The following BRINP1 variants were observed in gnomAD, a reference collection of about 807,000 sequenced individuals.
BRINP1 encodes BMP/retinoic acid-inducible neural-specific protein 1.
BRINP1 carries 17 observed loss-of-function variants against 72.9 expected under a neutral mutation model. The observed-to-expected ratio is 0.23, with a 90% CI of 0.16 to 0.35. The LOEUF (loss-of-function observed/expected upper bound fraction) is 0.35, where lower values mean the gene tolerates loss of function less well. Ranked by LOEUF, BRINP1 falls within the 10% of genes least tolerant of loss-of-function variation. The probability of loss-of-function intolerance (pLI) is 1.00; values close to 1 mark genes in which losing one functional copy is unlikely to be tolerated. For missense variants in BRINP1, 850 were observed against 1,001.6 expected, an observed-to-expected ratio of 0.85 and a Z score of 2.04; for synonymous variants, 418 against 378.5, an observed-to-expected ratio of 1.10 and a Z score of -1.21.
intron 2 of BRINP1, among the ~76,000 whole-genome samples, chr9:119,291,572 G>T (rs1830821913): frequency 6.6e-6 from 1 of 152,152 alleles, no homozygotes; most frequent in Admixed American, 6.5e-5. Context: ...CTGTTTCCCA[G>T]TACAGGTTCT....
rs1036799203 is a variant in BRINP1 at position 119,340,424 on chromosome 9, G to A, written c.-50-27019C>T. 3.2e-4 allele frequency among the ~76,000 whole-genome samples: 49 copies of A among 151,556 alleles called. 1 individual carries two copies. The highest frequency in any genetic ancestry group is 1.2e-3 in the African/African-American group (49 of 41,048). On this transcript the variant is annotated intron_variant, in intron 1 of 7. Coordinates refer to ENST00000265922, the MANE Select transcript of BRINP1 (RefSeq NM_014618.3). ...TCCAACCTCTGAGGGAAAAAAAAAA[G>A]GCTGAGACAAGAGGTGTGACAGTGA... is the stretch of plus-strand genomic sequence containing the variant.
chr9:119,179,462 G>T (rs571609348), intron 7 of BRINP1, among the ~76,000 whole-genome samples: 4 of 152,308 alleles, frequency 2.6e-5, no homozygotes, highest in African/African-American at 9.6e-5. Context: ...GAATAAAGCA[G>T]TTTTGACCAT....
At chr9:119,202,997 G>C (rs1319241836) in intron 7 of BRINP1, among the ~76,000 whole-genome samples, 1 of 152,108 alleles carries the variant, frequency 6.6e-6, no homozygotes, top group Non-Finnish European at 1.5e-5. Context: ...TTGGGCTTGA[G>C]AGTTAATTCA....
intron 5 of BRINP1, among the ~76,000 whole-genome samples, chr9:119,227,884 C>T (rs995440048): frequency 1.2e-4 from 18 of 152,132 alleles, no homozygotes; most frequent in African/African-American, 4.3e-4. Flanking sequence ...ATCCCTAACT[C>T]TTAGTTGGTG....
intron 5 of BRINP1, among the ~76,000 whole-genome samples, chr9:119,214,522 T>C (rs1396809098): frequency 1.3e-5 from 2 of 151,960 alleles, no homozygotes; most frequent in Non-Finnish European, 2.9e-5. Flanking sequence ...GTGCTTTCCT[T>C]AAGTATTTAT....
intron 2 of BRINP1, among the ~76,000 whole-genome samples, chr9:119,298,230 T>C (rs913979323): frequency 1.3e-5 from 2 of 152,218 alleles, no homozygotes. Flanking sequence ...CCGTCCCTCA[T>C]GCCTGTAAAC....
At chr9:119,264,627 A>G (rs1011851624) in intron 2 of BRINP1, among the ~76,000 whole-genome samples, 19 of 152,116 alleles carry the variant, frequency 1.2e-4, no homozygotes, top group Non-Finnish European at 2.8e-4. Flanking sequence ...TTTTTCTTAC[A>G]TTTATATGAA....
intron 2 of BRINP1, among the ~76,000 whole-genome samples, chr9:119,296,174 A>G (rs1830875241): frequency 6.6e-6 from 1 of 152,196 alleles, no homozygotes; most frequent in Non-Finnish European, 1.5e-5. Context: ...TATATAAAGC[A>G]TTCAAATAAA....
At chr9:119,280,502 C>T (rs1319007776) in intron 2 of BRINP1, among the ~76,000 whole-genome samples, 1 of 151,950 alleles carries the variant, frequency 6.6e-6, no homozygotes, top group Non-Finnish European at 1.5e-5. Flanking sequence ...CCTCAGCCTC[C>T]CAAAGTGCTG....
At chr9:119,338,404 T>C (rs1831371166) in intron 1 of BRINP1, among the ~76,000 whole-genome samples, 1 of 151,844 alleles carries the variant, frequency 6.6e-6, no homozygotes, top group Non-Finnish European at 1.5e-5. Flanking sequence ...CCCCTAACAA[T>C]GTGCTGGGTA....
intron 1 of BRINP1, among the ~76,000 whole-genome samples, chr9:119,338,824 G>T: frequency 6.6e-6 from 1 of 151,394 alleles, no homozygotes; most frequent in Non-Finnish European, 1.5e-5. Context: ...GGCGGAGCTT[G>T]CAGTGAGCCG....
intron 5 of BRINP1, among the ~76,000 whole-genome samples, chr9:119,214,580 G>A (rs6478397): frequency 0.36 from 50,542 of 141,168 alleles, 8,933 homozygotes; most frequent in East Asian, 0.53. Context: ...CACTAGGCCT[G>A]TAGAGATAAA....
chr9:119,253,947 G>A (rs964765870), intron 2 of BRINP1, among the ~76,000 whole-genome samples: 8 of 152,176 alleles, frequency 5.3e-5, no homozygotes, highest in African/African-American at 1.9e-4. Flanking sequence ...ATGTGGCTCT[G>A]CAACCATTAC....
intron 2 of BRINP1, among the ~76,000 whole-genome samples, chr9:119,249,838 G>GGAAGGAAA (rs1554751036): frequency 9.8e-5 from 7 of 71,158 alleles, no homozygotes; most frequent in Non-Finnish European, 1.8e-4. Context: ...AAGGAAGGAA[G>GGAAGGAAA]GAAGGAAGGA....
At chr9:119,191,395 C>G (rs150802367) in intron 7 of BRINP1, among the ~76,000 whole-genome samples, 1 of 151,596 alleles carries the variant, frequency 6.6e-6, no homozygotes, top group Admixed American at 6.6e-5. Context: ...CCCCAAAGAT[C>G]CCCCCACAAA....
intron 2 of BRINP1, among the ~76,000 whole-genome samples, chr9:119,261,311 C>G (rs1005120371): frequency 6.6e-6 from 1 of 152,124 alleles, no homozygotes; most frequent in Non-Finnish European, 1.5e-5. Context: ...TTCTGGATAC[C>G]TAGGTGAATT....
At chr9:119,198,412 T>C (rs1829763894) in intron 7 of BRINP1, among the ~76,000 whole-genome samples, 2 of 152,232 alleles carry the variant, frequency 1.3e-5, no homozygotes, top group South Asian at 4.1e-4. Context: ...AATTGAAGCC[T>C]GAATGCCTTA....
At chr9:119,367,097 TG>T (rs1372087055) in intron 1 of BRINP1, among the ~76,000 whole-genome samples, 1 of 151,544 alleles carries the variant, frequency 6.6e-6, no homozygotes, top group Non-Finnish European at 1.5e-5. Context: ...GGACAGAGAA[TG>T]GTATGTCTGC....
intron 2 of BRINP1, among the ~76,000 whole-genome samples, chr9:119,297,836 A>ATAATAATAAT (rs56394431): frequency 7.3e-5 from 11 of 151,650 alleles, no homozygotes; most frequent in East Asian, 5.8e-4. Flanking sequence ...AATAATAATA[A>ATAATAATAAT]AATAATAACA....
Sources: allele counts gnomAD v4.1 joint callset (sites outside exome capture counted in the v4.1 genomes callset), GRCh38; gene constraint gnomAD v4.1.1; transcripts MANE v1.5; gene names NCBI Gene and HGNC (gene_info 2026-07-23, HGNC 2026-07-21).